Variants in WAPL observed in about 807,000 individuals in gnomAD.
WAPL encodes WAPL cohesin release factor.
In WAPL, 5 loss-of-function variants were observed where a neutral mutation model predicts 121.0. That is an observed-to-expected ratio of 0.04 (90% CI 0.02 to 0.09). WAPL has a LOEUF of 0.09. Among genes scored for constraint, WAPL ranks in the 10% least tolerant of loss-of-function variants. The probability of loss-of-function intolerance (pLI) is 1.00; values close to 1 mark genes in which losing one functional copy is unlikely to be tolerated. For missense variants in WAPL, 999 were observed against 1,410.8 expected, an observed-to-expected ratio of 0.71 and a Z score of 4.68; for synonymous variants, 480 against 481.5, an observed-to-expected ratio of 1.00 and a Z score of 0.04.
intron 2 of WAPL, among the ~76,000 whole-genome samples, chr10:86,509,033 G>A (rs368768575): frequency 1.3e-5 from 2 of 152,040 alleles, no homozygotes; most frequent in Non-Finnish European, 2.9e-5. Context: ...GTAAGCCACC[G>A]CGCCCGGCCA....
intron 2 of WAPL, among the ~76,000 whole-genome samples, chr10:86,507,777 C>T (rs1221086713): frequency 1.3e-5 from 2 of 151,966 alleles, no homozygotes; most frequent in African/African-American, 4.8e-5. Flanking sequence ...CCAGTACTCC[C>T]ATTCTTCATT....
intron 4 of WAPL, among the ~76,000 whole-genome samples, chr10:86,478,571 T>C (rs1398209852): frequency 6.6e-6 from 1 of 151,588 alleles, no homozygotes; most frequent in Non-Finnish European, 1.5e-5. Flanking sequence ...ACTAGTAATC[T>C]TAAATATATT....
rs141412662 is a variant in WAPL, at chr10:86,473,795, T to A, written c.1740+83A>T. 131 of 1,128,382 alleles carry A rather than the reference T, an allele frequency of 1.2e-4. No individual in the cohort carries two copies. In the African/African-American group the frequency reaches 1.9e-3, roughly 17 times the overall value. 69.9% of individuals were successfully genotyped at this position (1,128,382 alleles called of 1,614,324 possible). ...AACTGTTAAATAGAAAAGTCAAAGA[T>A]TTACAAATTATGAATTAAAAGAGTA... is the stretch of plus-strand genomic sequence containing the variant. On this transcript the variant is annotated intron_variant, in intron 5 of 18. Transcript: ENST00000298767.
chr10:86,466,173 GAGGTGCCTAGGAATC>G (rs1276420471), intron 9 of WAPL, among the ~76,000 whole-genome samples: 6 of 152,212 alleles, frequency 3.9e-5, no homozygotes, highest in Admixed American at 6.5e-5. Flanking sequence ...CAGGGGAGGT[GAGGTGCCTAGGAATC>G]TTCCTTGTGG....
chr10:86,515,786 A>G (rs1842544063), intron 2 of WAPL, among the ~76,000 whole-genome samples: 1 of 152,164 alleles, frequency 6.6e-6, no homozygotes, highest in Non-Finnish European at 1.5e-5. Context: ...TGTCTCAAAA[A>G]AAAAAGTTTG....
rs558158652 is a variant in WAPL at position 86,516,961 on chromosome 10, T to C, written c.499+610A>G. The stretch of plus-strand genomic sequence containing the variant: ...AGCCAGGCGTGGTGGCGGGCGCCTG[T>C]AGTCCCAGCTACTCGGGAGGCTGAG... On this transcript the variant is annotated intron_variant, in intron 2 of 18. Coordinates refer to ENST00000298767, the MANE Select transcript of WAPL (RefSeq NM_015045.5). Among the ~76,000 whole-genome samples, 21 of 152,052 alleles carry C rather than the reference T, an allele frequency of 1.4e-4. No individual in the cohort carries two copies. The East Asian group carries it at 3.5e-3, about 25-fold the overall frequency.
At chr10:86,468,973 G>A (rs1373329912) in intron 8 of WAPL, among the ~76,000 whole-genome samples, 13 of 151,806 alleles carry the variant, frequency 8.6e-5, no homozygotes, top group Non-Finnish European at 5.9e-5. Context: ...GCATGGTGAC[G>A]CACCTCTGTA....
At chr10:86,493,151 G>A (rs1842082765) in intron 4 of WAPL, among the ~76,000 whole-genome samples, 1 of 151,826 alleles carries the variant, frequency 6.6e-6, no homozygotes, top group Non-Finnish European at 1.5e-5. Flanking sequence ...AATGATTATG[G>A]TTTGGGAAAA....
chr10:86,515,864 C>CTTTTTTTTTTT (rs377683656), intron 2 of WAPL, among the ~76,000 whole-genome samples: 4 of 101,148 alleles, frequency 4.0e-5, no homozygotes, highest in East Asian at 3.5e-4. Context: ...CTGTCTATGC[C>CTTTTTTTTTTT]TTTTTTTTTT....
At chr10:86,515,154 G>A (rs1842530675) in intron 2 of WAPL, among the ~76,000 whole-genome samples, 2 of 151,828 alleles carry the variant, frequency 1.3e-5, no homozygotes, top group African/African-American at 4.8e-5. Flanking sequence ...CAGCTACTCG[G>A]GGGGACTGGG....
chr10:86,498,460 T>C (rs528078083), intron 3 of WAPL, among the ~76,000 whole-genome samples: 5 of 152,232 alleles, frequency 3.3e-5, no homozygotes, highest in African/African-American at 1.2e-4. Context: ...TGTCTAGTTT[T>C]GAAGAATAAA....
At position 86,472,521 on chromosome 10, in the gene WAPL, G is replaced by T; in HGVS notation, c.1893+91C>A. On this transcript the variant is annotated intron_variant, in intron 6 of 18. Coordinates refer to ENST00000298767, the MANE Select transcript of WAPL (RefSeq NM_015045.5). This position sits in a 1 kb window ranked among gnomAD's most constrained non-coding sequence, Gnocchi z 4.2. ...GTTTGTGGTTCAAAACTGAGTATCA[G>T]TATACTGATATTTGTTGAAGATATT... 1 of 1,552,442 alleles carries T rather than the reference G, an allele frequency of 6.4e-7. No homozygotes were observed. The highest frequency in any genetic ancestry group is 8.7e-7 in the Non-Finnish European group (1 of 1,148,202).
At chr10:86,469,635 G>A (rs909736821) in intron 8 of WAPL, among the ~76,000 whole-genome samples, 1 of 152,080 alleles carries the variant, frequency 6.6e-6, no homozygotes, top group Non-Finnish European at 1.5e-5. Flanking sequence ...TCTTACATTT[G>A]GGATATTCCA....
intron 2 of WAPL, among the ~76,000 whole-genome samples, chr10:86,512,292 A>C (rs1842478818): frequency 6.6e-6 from 1 of 152,270 alleles, no homozygotes; most frequent in Non-Finnish European, 1.5e-5. Context: ...AAATTAAAAA[A>C]ATTTATTGGC....
Position 86,472,099 on chromosome 10 carries a change from C to T in WAPL, c.2030+109G>A, listed in dbSNP as rs192661261. 103 of 1,015,856 alleles carry T rather than the reference C, an allele frequency of 1.0e-4. 3 individuals carry two copies. The Admixed American group carries it at 3.0e-3, about 30-fold the overall frequency. The allele number at this position is 1,015,856 out of a possible 1,614,324, so 62.9% of individuals were successfully genotyped here. ...TTTAACATATCACTGGCTATACATA[C>T]TACCCCATCATAACAAAATAAAAAA... On this transcript the variant is annotated intron_variant, in intron 7 of 18. Transcript: ENST00000298767. The surrounding 1 kb of genome is among the most constrained non-coding windows in gnomAD (Gnocchi z 4.2).
intron 2 of WAPL, among the ~76,000 whole-genome samples, chr10:86,501,998 G>C (rs1440720659): frequency 6.6e-6 from 1 of 152,108 alleles, no homozygotes; most frequent in East Asian, 1.9e-4. Context: ...AGCCTCCAAA[G>C]GGTTTTAATG....
At chr10:86,507,491 A>G (rs1203305124) in intron 2 of WAPL, among the ~76,000 whole-genome samples, 1 of 151,044 alleles carries the variant, frequency 6.6e-6, no homozygotes, top group African/African-American at 2.4e-5. Context: ...CTGTTCATGT[A>G]TTTAAGGATT....
intron 2 of WAPL, among the ~76,000 whole-genome samples, chr10:86,506,145 A>G (rs114897874): frequency 0.02 from 3,117 of 152,254 alleles, 122 homozygotes; most frequent in African/African-American, 0.071. Context: ...TGAGGCAGGA[A>G]GATTACCTGT....
intron 15 of WAPL, among the ~76,000 whole-genome samples, chr10:86,447,748 A>C (rs1849659761): frequency 6.6e-6 from 1 of 152,202 alleles, no homozygotes; most frequent in Non-Finnish European, 1.5e-5. Context: ...CCACAGACAT[A>C]CTTTGAAAAG....
Sources: gnomAD v4.1 joint callset for allele counts (sites outside exome capture counted in the v4.1 genomes callset) on GRCh38, gnomAD v4.1.1 for gene constraint, Gnocchi (gnomAD v3.1) non-coding constraint, MANE v1.5 for transcripts, NCBI Gene and HGNC (gene_info 2026-07-23, HGNC 2026-07-21) for gene names.